Variants in TENM1 observed in about 807,000 individuals in gnomAD.
The protein encoded by TENM1 is teneurin transmembrane protein 1.
In TENM1, 35 loss-of-function variants were observed where a neutral mutation model predicts 174.8. The ratio of observed to expected loss-of-function variants is 0.20; its 90% CI spans 0.15 to 0.27. TENM1 has a LOEUF of 0.27. Ranked by LOEUF, TENM1 falls within the 10% of genes least tolerant of loss-of-function variation. The pLI, the probability that TENM1 is intolerant of heterozygous loss-of-function variation, is 1.00. For missense variants in TENM1, 1,633 were observed against 2,130.1 expected (o/e 0.77, Z 4.59); for synonymous variants, 781 against 798.7 (o/e 0.98, Z 0.37).
intron 22 of TENM1, among the ~76,000 whole-genome samples, chrX:124,479,337 G>A (rs925130685): frequency 7.1e-5 from 8 of 112,159 alleles, no homozygotes; most frequent in Admixed American, 6.6e-4. Flanking sequence ...TTAGCTGTCT[G>A]AAGTCTGGGC....
At chrX:124,673,811 C>T (rs1034436472) in intron 5 of TENM1, among the ~76,000 whole-genome samples, 1 of 110,261 alleles carries the variant, frequency 9.1e-6, no homozygotes, top group African/African-American at 3.3e-5. Flanking sequence ...TGTGGGAGGG[C>T]GTAGAAAAAA....
chrX:125,083,028 A>G, the TENM1 span, among the ~76,000 whole-genome samples: 1 of 111,278 alleles, frequency 9.0e-6, no homozygotes, highest in Non-Finnish European at 1.9e-5. Context: ...TCCATGAAAG[A>G]GGGGACTTGA....
intron 11 of TENM1, among the ~76,000 whole-genome samples, chrX:124,612,813 CATCT>C (rs1053682835): frequency 1.2e-4 from 13 of 110,576 alleles, no homozygotes; most frequent in Admixed American, 1.9e-4. Flanking sequence ...TATCATTGAT[CATCT>C]ATCTATCATT....
intron 27 of TENM1, among the ~76,000 whole-genome samples, chrX:124,393,770 A>G (rs965638369): frequency 6.4e-4 from 71 of 111,573 alleles, no homozygotes; most frequent in African/African-American, 2.3e-3. Context: ...CGGCAGGAAC[A>G]AAAACAAGAA....
At position 124,646,660 on chromosome X, in the gene TENM1, A is replaced by G. The variant is rs756845240; in HGVS notation, c.1681+49T>C. On this transcript the variant is annotated intron_variant, in intron 9 of 31. Coordinates refer to ENST00000422452, the Ensembl canonical transcript of TENM1. The stretch of plus-strand genomic sequence containing the variant: ...CTATTACTACTAATTCTGGGTTATG[A>G]AATCACATCTATTTTCCTAAACCAA... 118 of 922,860 alleles carry G rather than the reference A, an allele frequency of 1.3e-4. 1 individual carries two copies. The South Asian group carries it at 2.4e-3, about 19-fold the overall frequency. 76.1% of individuals were successfully genotyped at this position (922,860 alleles called of 1,213,427 possible). A position where few individuals can be genotyped will look rare whatever the true frequency, so the allele number is the denominator to read the frequency against.
chrX:124,577,409 C>T (rs2049193145), intron 11 of TENM1, among the ~76,000 whole-genome samples: 1 of 106,990 alleles, frequency 9.3e-6, no homozygotes. Context: ...ACGTAAAGAA[C>T]CCAGAGTCAA....
intron 3 of TENM1, among the ~76,000 whole-genome samples, chrX:124,850,246 C>G (rs1184449371): frequency 8.9e-6 from 1 of 111,743 alleles, no homozygotes; most frequent in Non-Finnish European, 1.9e-5. Context: ...TTTTCCAGCC[C>G]TCATTTTCAG....
At chrX:124,674,669 A>G (rs1049487437) in intron 5 of TENM1, among the ~76,000 whole-genome samples, 2 of 111,672 alleles carry the variant, frequency 1.8e-5, no homozygotes, top group Admixed American at 1.9e-4. Flanking sequence ...GGTATGGCAC[A>G]TTAATAAAGC....
intron 1 of TENM1, among the ~76,000 whole-genome samples, chrX:124,899,884 A>C (rs1339784403): frequency 3.6e-5 from 4 of 112,336 alleles, no homozygotes; most frequent in Non-Finnish European, 1.9e-5. Flanking sequence ...ATGGCTAAAA[A>C]AAATTCTGCC....
exon 30 of TENM1, chrX:124,384,660 T>A (rs2060198605): frequency 8.3e-7 from 1 of 1,210,239 alleles, no homozygotes; most frequent in Non-Finnish European, 1.1e-6. Flanking sequence ...AAATCGTAAT[T>A]AATTACACTG....
chrX:125,129,615 T>C, the TENM1 span, among the ~76,000 whole-genome samples: 1 of 108,865 alleles, frequency 9.2e-6, no homozygotes, highest in African/African-American at 3.3e-5. Flanking sequence ...TTTCCCAGCC[T>C]CTAGTAACCA....
At chrX:124,590,349 G>C (rs2049703544) in intron 11 of TENM1, among the ~76,000 whole-genome samples, 1 of 109,737 alleles carries the variant, frequency 9.1e-6, no homozygotes, top group Non-Finnish European at 1.9e-5. Context: ...TACAAACAGA[G>C]AGCCAAATCA....
At chrX:124,532,487 G>A (rs908948523) in intron 15 of TENM1, among the ~76,000 whole-genome samples, 7 of 111,146 alleles carry the variant, frequency 6.3e-5, no homozygotes, top group African/African-American at 2.3e-4. Context: ...ATCTCGTTCT[G>A]AGTAGACTTG....
chrX:124,539,220 G>A (rs1159683085), intron 15 of TENM1, among the ~76,000 whole-genome samples: 1 of 111,512 alleles, frequency 9.0e-6, no homozygotes, highest in Non-Finnish European at 1.9e-5. Context: ...TATTGCATAG[G>A]GGTCCAGGTG....
chrX:124,802,024 G>C (rs1172071982), intron 3 of TENM1, among the ~76,000 whole-genome samples: 1 of 110,918 alleles, frequency 9.0e-6, no homozygotes, highest in Non-Finnish European at 1.9e-5. Context: ...TAACATCAAG[G>C]TTCTTAGCTT....
the TENM1 span, among the ~76,000 whole-genome samples, chrX:124,986,417 C>T: frequency 1.6e-3 from 182 of 111,926 alleles, no homozygotes; most frequent in African/African-American, 5.3e-3. Context: ...TTTAGGTAAT[C>T]ATAGAACACT....
the TENM1 span, among the ~76,000 whole-genome samples, chrX:125,092,579 C>T: frequency 3.6e-5 from 4 of 111,395 alleles, no homozygotes; most frequent in African/African-American, 1.3e-4. Flanking sequence ...ATAGAAAAAA[C>T]AATTTGGGGA....
chrX:124,449,245 G>C (rs1439130724), intron 23 of TENM1, among the ~76,000 whole-genome samples: 1 of 112,029 alleles, frequency 8.9e-6, no homozygotes, highest in Non-Finnish European at 1.9e-5. Context: ...AGGGGAAAGA[G>C]GGTACTTCAG....
At chrX:124,434,670 T>C (rs1869413948) in intron 23 of TENM1, among the ~76,000 whole-genome samples, 1 of 112,652 alleles carries the variant, frequency 8.9e-6, no homozygotes, top group South Asian at 3.7e-4. Flanking sequence ...CAGTTTTCAA[T>C]TTACAGTCAA....
Sources: allele counts gnomAD v4.1 joint callset (sites outside exome capture counted in the v4.1 genomes callset), GRCh38; gene constraint gnomAD v4.1.1; transcripts MANE v1.5; gene names NCBI Gene and HGNC (gene_info 2026-07-23, HGNC 2026-07-21).